ARID5B: variants seen among roughly 807,000 people sequenced by gnomAD.
The protein encoded by ARID5B is AT-rich interaction domain 5B.
In ARID5B, 13 loss-of-function variants were observed where a neutral mutation model predicts 97.2. The ratio of observed to expected loss-of-function variants is 0.13; its 90% CI spans 0.09 to 0.21. The LOEUF (loss-of-function observed/expected upper bound fraction) is 0.21. Among genes scored for constraint, ARID5B ranks in the 10% least tolerant of loss-of-function variants. ARID5B has a pLI of 1.00. For synonymous variants in ARID5B, 556 were observed against 570.3 expected (o/e 0.97, Z 0.36); for missense variants, 1,210 against 1,465.3 (o/e 0.83, Z 2.84).
At chr10:61,933,390 G>A (rs1844246353) in intron 2 of ARID5B, among the ~76,000 whole-genome samples, 1 of 152,182 alleles carries the variant, frequency 6.6e-6, no homozygotes, top group Non-Finnish European at 1.5e-5. Context: ...CCACTTTCAT[G>A]AATCTGAATG....
chr10:61,960,584 A>G (rs1407079848), intron 3 of ARID5B, among the ~76,000 whole-genome samples: 1 of 151,628 alleles, frequency 6.6e-6, no homozygotes, highest in Non-Finnish European at 1.5e-5. Context: ...GGAGTTCTGC[A>G]TATTGTTTTT....
chr10:61,941,536 A>G (rs1047425682), intron 3 of ARID5B, among the ~76,000 whole-genome samples: 3 of 151,518 alleles, frequency 2.0e-5, no homozygotes, highest in African/African-American at 7.3e-5. Flanking sequence ...TTTTAAACCC[A>G]GAACTTAACT....
chr10:62,088,716 A>AT (rs1589293087), intron 9 of ARID5B, among the ~76,000 whole-genome samples: 1 of 152,174 alleles, frequency 6.6e-6, no homozygotes, highest in East Asian at 1.9e-4. Flanking sequence ...AGCCAGGTGT[A>AT]TTTTTTCTCA....
In ARID5B at chr10:61,937,508, C is replaced by T. The variant is rs116430187; in HGVS notation, c.277-2675C>T. 2.4e-3 allele frequency among the ~76,000 whole-genome samples: 370 copies of T among 152,256 alleles called. 1 individual carries two copies. Among genetic ancestry groups the T allele is most frequent in the African/African-American group, 8.5e-3 (351 of 41,530 alleles). On this transcript the variant is annotated intron_variant, in intron 2 of 9. Coordinates refer to ENST00000279873, the MANE Select transcript of ARID5B (RefSeq NM_032199.3). Reference sequence around the variant, plus strand: ...GACGAAAGGGGATAAGGACTTAGAACGTGGCTCAACACAGCTTACATAAAT... The same window carrying T: ...GACGAAAGGGGATAAGGACTTAGAATGTGGCTCAACACAGCTTACATAAAT...
chr10:61,980,008 A>G (rs1049139738), intron 3 of ARID5B, among the ~76,000 whole-genome samples: 2 of 152,060 alleles, frequency 1.3e-5, no homozygotes, highest in African/African-American at 4.8e-5. Context: ...CAGGAGAATC[A>G]CTTGAACCCG....
chr10:62,038,583 T>C (rs113092781), intron 4 of ARID5B, among the ~76,000 whole-genome samples: 1 of 137,330 alleles, frequency 7.3e-6, no homozygotes, highest in Admixed American at 7.1e-5. Flanking sequence ...TGGTTGTAAA[T>C]ATAGTGAAGT....
In ARID5B at chr10:62,092,643, G is replaced by A; in HGVS notation, c.3180G>A (p.Gly1060=). 6.2e-7 allele frequency: 1 copy of A among 1,614,062 alleles called. No individual in the cohort carries two copies. The highest frequency in any genetic ancestry group is 8.5e-7 in the Non-Finnish European group (1 of 1,179,982). The part of the protein sequence containing the change: ...ESEGSKAAHG[G]HSGGGSEGHK... ...AAGGCAGCAAAGCAGCGCACGGTGG[G>A]CATTCCGGGGGCGGATCAGAAGGCC... Residue 1060 remains glycine, a synonymous_variant, in exon 10 of 10, where the codon GGG becomes GGA. Transcript: ENST00000279873.
rs766187181 is a variant in ARID5B at position 62,095,386 on chromosome 10, G to T, written c.*2356G>T. 10 of 232,968 alleles carry T rather than the reference G, an allele frequency of 4.3e-5. No individual in the cohort carries two copies. Among genetic ancestry groups the T allele is most frequent in the South Asian group, 1.8e-4 (1 of 5,520 alleles). The allele number at this position is 232,968 out of a possible 1,614,324, so 14.4% of individuals were successfully genotyped here. On this transcript the variant is annotated 3_prime_UTR_variant, in exon 10 of 10. Transcript: ENST00000279873. ...GTTCGTGTCTCAAAAAAAAAAGGAGGGGGGGCATCTGTCCCCGGTGGAGCT... is the reference window on the plus strand; with the variant it reads ...GTTCGTGTCTCAAAAAAAAAAGGAGTGGGGGCATCTGTCCCCGGTGGAGCT...
chr10:61,919,291 G>A (rs138036233), intron 2 of ARID5B, among the ~76,000 whole-genome samples: 1 of 152,160 alleles, frequency 6.6e-6, no homozygotes, highest in Non-Finnish European at 1.5e-5. Flanking sequence ...TTTCAAAAAA[G>A]TTTCCTGTAT....
chr10:61,911,161 C>T (rs1843797550), intron 2 of ARID5B, among the ~76,000 whole-genome samples: 1 of 152,120 alleles, frequency 6.6e-6, no homozygotes, highest in African/African-American at 2.4e-5. Flanking sequence ...CTTTCTACAC[C>T]CTCAAGCATG....
At chr10:62,046,092 C>G (rs916777126) in intron 4 of ARID5B, among the ~76,000 whole-genome samples, 15 of 152,124 alleles carry the variant, frequency 9.9e-5, no homozygotes, top group African/African-American at 3.6e-4. Flanking sequence ...GTGTTGGCAA[C>G]AAGTCTCTCT....
At chr10:62,049,451 A>G in intron 4 of ARID5B, 1 of 1,550,574 alleles carries the variant, frequency 6.4e-7, no homozygotes, top group Non-Finnish European at 8.7e-7. Context: ...GAGCACAGGC[A>G]TCAGTCAGGC....
intron 4 of ARID5B, among the ~76,000 whole-genome samples, chr10:62,034,423 C>G (rs761416239): frequency 6.6e-6 from 1 of 152,172 alleles, no homozygotes; most frequent in Non-Finnish European, 1.5e-5. Flanking sequence ...ATAGTTACAT[C>G]CCCTCTGTGC....
intron 5 of ARID5B, among the ~76,000 whole-genome samples, chr10:62,055,683 A>G (rs1839847115): frequency 6.6e-6 from 1 of 152,206 alleles, no homozygotes; most frequent in Admixed American, 6.5e-5. Context: ...ATAGCCCCTT[A>G]AAAGTTAAAA....
chr10:62,062,116 A>C (rs1839928501), intron 7 of ARID5B, among the ~76,000 whole-genome samples: 1 of 152,216 alleles, frequency 6.6e-6, no homozygotes, highest in African/African-American at 2.4e-5. Context: ...ATTTTGACTA[A>C]TAAAACTGTG....
intron 2 of ARID5B, among the ~76,000 whole-genome samples, chr10:61,936,312 A>G (rs1589225727): frequency 6.6e-6 from 1 of 152,242 alleles, no homozygotes; most frequent in African/African-American, 2.4e-5. Flanking sequence ...AAAACTTAAT[A>G]TACATTTTAA....
At chr10:62,064,355 AAG>A (rs1375497665) in intron 7 of ARID5B, among the ~76,000 whole-genome samples, 2 of 152,236 alleles carry the variant, frequency 1.3e-5, no homozygotes, top group Non-Finnish European at 2.9e-5. Context: ...TGTCCTGAGA[AAG>A]AAGCTGTTTC....
chr10:62,003,610 C>T (rs7922024), intron 4 of ARID5B, among the ~76,000 whole-genome samples: 8,234 of 152,134 alleles, frequency 0.054, 260 homozygotes, highest in African/African-American at 0.081. Flanking sequence ...TCATAAATGG[C>T]CTGATGTCCT....
At position 62,092,490 on chromosome 10, in the gene ARID5B, G is replaced by A. The variant is rs746433923; in HGVS notation, c.3027G>A (p.Ala1009=). The change falls in exon 10 of 10, where the codon GCG becomes GCA. Residue 1009 remains alanine (A), a synonymous_variant. Coordinates refer to ENST00000279873, the MANE Select transcript of ARID5B (RefSeq NM_032199.3). ...RKMSPQNIGA[A]RPIKRSLEDL... ...TGAGCCCGCAGAACATTGGGGCGGC[G>A]CGGCCGATCAAGCGCAGCCTGGAGG... 13 of 1,614,072 alleles carry A rather than the reference G, an allele frequency of 8.1e-6. No individual in the cohort carries two copies. Among genetic ancestry groups the A allele is most frequent in the East Asian group, 2.2e-5 (1 of 44,898 alleles).
Sources: gnomAD v4.1 joint callset for allele counts (sites outside exome capture counted in the v4.1 genomes callset) on GRCh38, gnomAD v4.1.1 for gene constraint, MANE v1.5 for transcripts, NCBI Gene and HGNC (gene_info 2026-07-23, HGNC 2026-07-21) for gene names.